The following RBMS3 variants were observed in gnomAD, a reference collection of about 807,000 sequenced individuals.
RBMS3 encodes the protein RNA-binding motif, single-stranded-interacting protein 3.
RBMS3 carries 27 observed loss-of-function variants against 66.8 expected under a neutral mutation model. That is an observed-to-expected ratio of 0.40 (90% confidence interval 0.30 to 0.56). RBMS3 has a LOEUF of 0.56. RBMS3 is among the 20% of genes least tolerant of loss of function. RBMS3 has a pLI of 0.40. For synonymous variants in RBMS3, 188 were observed against 183.0 expected, an observed-to-expected ratio of 1.03 and a Z score of -0.22; for missense variants, 513 against 549.5, an observed-to-expected ratio of 0.93 and a Z score of 0.66.
At chr3:29,542,807 C>T (rs965969673) in intron 3 of RBMS3, among the ~76,000 whole-genome samples, 2 of 152,104 alleles carry the variant, frequency 1.3e-5, no homozygotes, top group Non-Finnish European at 2.9e-5. Context: ...TTAACATCAC[C>T]TAGGGGCATT....
intron 6 of RBMS3, among the ~76,000 whole-genome samples, chr3:29,786,169 C>A (rs1289408722): frequency 6.6e-6 from 1 of 150,660 alleles, no homozygotes; most frequent in Non-Finnish European, 1.5e-5. Context: ...CTACAAAACA[C>A]TGCTGAAAGA....
At position 29,287,224 on chromosome 3, in the gene RBMS3, G is replaced by C. The variant is rs545631618; in HGVS notation, c.75+5468G>C. Among the ~76,000 whole-genome samples the C allele has an allele frequency of 5.3e-5, 8 of 152,238 alleles. No individual in the cohort carries two copies. The East Asian group carries it at 1.5e-3, about 29-fold the overall frequency. ...AGACATATAATACCATTTTTAAAATGTGGAGTGGATCATGCCATTTAATTA... is the reference window on the plus strand; with the variant it reads ...AGACATATAATACCATTTTTAAAATCTGGAGTGGATCATGCCATTTAATTA... On this transcript the variant is annotated intron_variant, in intron 1 of 14. Coordinates refer to ENST00000383767, the MANE Select transcript of RBMS3 (RefSeq NM_001003793.3).
chr3:29,909,001 G>T (rs572775601), intron 10 of RBMS3, among the ~76,000 whole-genome samples: 2 of 152,232 alleles, frequency 1.3e-5, no homozygotes, highest in East Asian at 3.9e-4. Context: ...AAGGATGGGT[G>T]ATGTTTGTGG....
chr3:30,001,726 A>G (rs1359719867), intron 14 of RBMS3, among the ~76,000 whole-genome samples: 2 of 151,776 alleles, frequency 1.3e-5, no homozygotes, highest in Non-Finnish European at 2.9e-5. Context: ...ATTGATTTCC[A>G]TACTCATTAT....
chr3:29,430,867 G>A (rs182683053), intron 1 of RBMS3, among the ~76,000 whole-genome samples: 1 of 152,298 alleles, frequency 6.6e-6, no homozygotes, highest in Admixed American at 6.5e-5. Context: ...GTAGCAAACA[G>A]CTTTAAAAAG....
At chr3:29,297,776 G>C (rs1195951672) in intron 1 of RBMS3, among the ~76,000 whole-genome samples, 1 of 151,786 alleles carries the variant, frequency 6.6e-6, no homozygotes, top group East Asian at 1.9e-4. Flanking sequence ...AATTAGAGGG[G>C]AGAAAAGGTG....
At chr3:29,908,006 G>C (rs892769734) in intron 10 of RBMS3, among the ~76,000 whole-genome samples, 31 of 152,136 alleles carry the variant, frequency 2.0e-4, no homozygotes, top group African/African-American at 7.0e-4. Flanking sequence ...CCAGCACTTG[G>C]AGAGGCCAAG....
chr3:29,837,410 A>G (rs922515926), intron 6 of RBMS3, among the ~76,000 whole-genome samples: 3 of 151,524 alleles, frequency 2.0e-5, no homozygotes, highest in African/African-American at 4.8e-5. Flanking sequence ...ATTGTTATAC[A>G]TTTAGAACAT....
At chr3:29,298,169 A>T (rs569527207) in intron 1 of RBMS3, among the ~76,000 whole-genome samples, 1 of 152,026 alleles carries the variant, frequency 6.6e-6, no homozygotes, top group South Asian at 2.1e-4. Flanking sequence ...GTGTTTAATA[A>T]GTGTCAATTG....
intron 1 of RBMS3, among the ~76,000 whole-genome samples, chr3:29,412,872 G>A (rs2125687423): frequency 6.6e-6 from 1 of 152,324 alleles, no homozygotes; most frequent in South Asian, 2.1e-4. Flanking sequence ...CTGCCTTCAG[G>A]ATGAATAGGC....
intron 12 of RBMS3, among the ~76,000 whole-genome samples, chr3:29,982,105 G>A (rs1698036470): frequency 1.3e-5 from 2 of 152,154 alleles, no homozygotes; most frequent in African/African-American, 4.8e-5. Context: ...TTCAGAACTT[G>A]TTATTGGTCT....
At chr3:29,857,781 G>A (rs552624179) in intron 6 of RBMS3, among the ~76,000 whole-genome samples, 4 of 152,118 alleles carry the variant, frequency 2.6e-5, no homozygotes, top group East Asian at 3.9e-4. Context: ...GAGATCGGGC[G>A]CGTTCAGGGT....
At chr3:29,358,344 T>A (rs1294609458) in intron 1 of RBMS3, among the ~76,000 whole-genome samples, 5 of 152,196 alleles carry the variant, frequency 3.3e-5, no homozygotes, top group Non-Finnish European at 7.3e-5. Context: ...TTGTTAAAGA[T>A]CAGATAGTTG....
chr3:29,787,665 T>C (rs2056865110), intron 6 of RBMS3, among the ~76,000 whole-genome samples: 12 of 152,054 alleles, frequency 7.9e-5, no homozygotes, highest in Admixed American at 6.6e-4. Context: ...GAATTATACA[T>C]TGGACTTTGG....
chr3:29,858,997 T>C (rs1419829157), intron 6 of RBMS3, among the ~76,000 whole-genome samples: 1 of 152,214 alleles, frequency 6.6e-6, no homozygotes, highest in Non-Finnish European at 1.5e-5. Flanking sequence ...CACAGAATTA[T>C]ATATAAAACC....
intron 4 of RBMS3, among the ~76,000 whole-genome samples, chr3:29,673,230 T>C (rs549083879): frequency 9.2e-5 from 14 of 152,322 alleles, no homozygotes; most frequent in African/African-American, 3.4e-4. Context: ...CCAGAATCTC[T>C]GGGATACATT....
intron 4 of RBMS3, among the ~76,000 whole-genome samples, chr3:29,735,313 G>C (rs898760313): frequency 6.6e-6 from 1 of 152,120 alleles, no homozygotes; most frequent in Admixed American, 6.5e-5. Context: ...TTCAGAGAAA[G>C]TAAATTATTT....
rs114293322 is a variant in RBMS3 at position 29,492,766 on chromosome 3, G to A, written c.307+4267G>A. On this transcript the variant is annotated intron_variant, in intron 3 of 14. Coordinates refer to ENST00000383767, the MANE Select transcript of RBMS3 (RefSeq NM_001003793.3). ...AACTCAAACTTGAGAGGGCTACAAA[G>A]GAAGTAGTGTCCTCAGGGTAAGTTA... Among the ~76,000 whole-genome samples, 1,289 of 152,256 alleles carry A rather than the reference G, an allele frequency of 8.5e-3. 11 individuals carry two copies. The highest frequency in any genetic ancestry group is 0.038 in the South Asian group (185 of 4,822).
intron 8 of RBMS3, among the ~76,000 whole-genome samples, chr3:29,884,902 CTT>C (rs965960788): frequency 6.6e-5 from 10 of 151,926 alleles, no homozygotes; most frequent in African/African-American, 2.4e-4. Flanking sequence ...CTGTCACTGT[CTT>C]TTATTTTGGA....
Sources: allele counts gnomAD v4.1 joint callset (sites outside exome capture counted in the v4.1 genomes callset), GRCh38; gene constraint gnomAD v4.1.1; transcripts MANE v1.5; gene names NCBI Gene and HGNC (gene_info 2026-07-23, HGNC 2026-07-21).